AUTS2: variants seen among roughly 807,000 people sequenced by gnomAD.
The protein encoded by AUTS2 is autism susceptibility gene 2 protein.
AUTS2 carries 17 observed loss-of-function variants against 112.4 expected under a neutral mutation model. The ratio of observed to expected loss-of-function variants is 0.15; its 90% CI spans 0.10 to 0.23. AUTS2 has a LOEUF of 0.23. Among genes scored for constraint, AUTS2 ranks in the 10% least tolerant of loss-of-function variants. The pLI is 1.00. For synonymous variants in AUTS2, 751 were observed against 702.7 expected (o/e 1.07, Z -1.09); for missense variants, 1,510 against 1,701.6 (o/e 0.89, Z 1.98).
Position 70,088,183 on chromosome 7 carries a change from G to A in AUTS2, c.523-29949G>A, listed in dbSNP as rs1018544375. Reference sequence around the variant, plus strand: ...CTGTCGCCCAGGCTGGAGTGCAGTGGCGTGATCTCAGATCACTGCAAGTTC... The same window carrying A: ...CTGTCGCCCAGGCTGGAGTGCAGTGACGTGATCTCAGATCACTGCAAGTTC... On this transcript the variant is annotated intron_variant, in intron 2 of 18. Transcript: ENST00000342771. 6.6e-5 allele frequency among the ~76,000 whole-genome samples: 10 copies of A among 152,114 alleles called. 1 individual carries two copies. The South Asian group carries it at 1.9e-3, about 28-fold the overall frequency.
chr7:70,611,833 ATAAAG>A (rs1410087542), intron 5 of AUTS2, among the ~76,000 whole-genome samples: 20 of 152,226 alleles, frequency 1.3e-4, no homozygotes, highest in Admixed American at 5.2e-4. Context: ...GCATAATAAA[ATAAAG>A]TAATTACTAA....
intron 1 of AUTS2, among the ~76,000 whole-genome samples, chr7:69,884,231 A>G (rs891434745): frequency 6.6e-6 from 1 of 152,262 alleles, no homozygotes; most frequent in Admixed American, 6.5e-5. Flanking sequence ...CATTGTGGAC[A>G]GCTCTTACAG....
chr7:69,660,143 CATT>C (rs1795728036), intron 1 of AUTS2, among the ~76,000 whole-genome samples: 1 of 152,194 alleles, frequency 6.6e-6, no homozygotes, highest in Non-Finnish European at 1.5e-5. Context: ...AGAGGCTCCA[CATT>C]CTTTGGGTTT....
chr7:69,845,311 T>A (rs1272228671), intron 1 of AUTS2, among the ~76,000 whole-genome samples: 1 of 152,178 alleles, frequency 6.6e-6, no homozygotes, highest in Non-Finnish European at 1.5e-5. Flanking sequence ...TGACCAGACT[T>A]GGGTCACATT....
chr7:70,559,754 G>A (rs1395530820), intron 5 of AUTS2, among the ~76,000 whole-genome samples: 2 of 152,070 alleles, frequency 1.3e-5, no homozygotes, highest in East Asian at 3.9e-4. Flanking sequence ...TGAGCCCCAG[G>A]CCTCTGGATT....
At chr7:69,731,516 A>AG (rs1170126721) in intron 1 of AUTS2, among the ~76,000 whole-genome samples, 1 of 152,218 alleles carries the variant, frequency 6.6e-6, no homozygotes, top group African/African-American at 2.4e-5. Context: ...ATGCTAAGTA[A>AG]GTAGTAGCTG....
intron 1 of AUTS2, among the ~76,000 whole-genome samples, chr7:69,718,866 T>C (rs933815152): frequency 1.3e-4 from 20 of 152,242 alleles, no homozygotes; most frequent in African/African-American, 4.8e-4. Context: ...TACCTATGAA[T>C]GTGTCTTGTG....
At chr7:70,175,716 A>G (rs1345258788) in intron 4 of AUTS2, among the ~76,000 whole-genome samples, 2 of 152,210 alleles carry the variant, frequency 1.3e-5, no homozygotes, top group African/African-American at 4.8e-5. Flanking sequence ...TCCATCCACC[A>G]GACTCAGGTG....
At chr7:69,723,853 A>G (rs1314714513) in intron 1 of AUTS2, among the ~76,000 whole-genome samples, 1 of 152,192 alleles carries the variant, frequency 6.6e-6, no homozygotes, top group Non-Finnish European at 1.5e-5. Flanking sequence ...GTTTAGTGAA[A>G]TGGATGAGTA....
At chr7:69,928,323 T>C (rs1275068001) in intron 2 of AUTS2, among the ~76,000 whole-genome samples, 1 of 152,214 alleles carries the variant, frequency 6.6e-6, no homozygotes, top group Non-Finnish European at 1.5e-5. Flanking sequence ...CACTCAGAAC[T>C]GGCAGCCCAG....
chr7:69,807,939 G>GA (rs1790378738), intron 1 of AUTS2, among the ~76,000 whole-genome samples: 1 of 139,486 alleles, frequency 7.2e-6, no homozygotes, highest in Non-Finnish European at 1.6e-5. Flanking sequence ...TTAGGCCCAA[G>GA]CTTTTTTTTT....
intron 5 of AUTS2, among the ~76,000 whole-genome samples, chr7:70,636,348 T>C (rs562344686): frequency 6.9e-4 from 105 of 152,320 alleles, no homozygotes; most frequent in African/African-American, 2.5e-3. Flanking sequence ...GCCAGTCCTC[T>C]AGGTGATGTT....
intron 2 of AUTS2, among the ~76,000 whole-genome samples, chr7:70,105,302 C>G (rs1475039516): frequency 6.6e-6 from 1 of 152,036 alleles, no homozygotes; most frequent in Non-Finnish European, 1.5e-5. Context: ...ACTCTGTCAC[C>G]CAGGCTGGAG....
chr7:69,855,700 G>A (rs560199259), intron 1 of AUTS2, among the ~76,000 whole-genome samples: 2 of 152,302 alleles, frequency 1.3e-5, no homozygotes, highest in East Asian at 3.9e-4. Flanking sequence ...GTTGGTTGTA[G>A]TCCGTATAAC....
Position 70,774,059 on chromosome 7 carries a change from C to T in AUTS2, c.1862C>T (p.Pro621Leu). ...TSNPIDVAAR[P>L]GTVPHTLLQK... Reference sequence around the variant, plus strand: ...AACCCTATCGATGTCGCTGCTCGGCCTGGGACAGTCCCACACACTTTACTC... The same window carrying T: ...AACCCTATCGATGTCGCTGCTCGGCTTGGGACAGTCCCACACACTTTACTC... Residue 621 changes from proline (P) to leucine (L), a missense_variant, in exon 12 of 19, where the codon CCT (proline) becomes CTT (leucine). Pro to Leu is a moderately conservative substitution (Grantham distance 98). Transcript: ENST00000342771. 1 of 1,614,200 alleles carries T rather than the reference C, an allele frequency of 6.2e-7. No individual in the cohort carries two copies. Among genetic ancestry groups the T allele is most frequent in the Non-Finnish European group, 8.5e-7 (1 of 1,180,032 alleles).
At position 70,675,093 on chromosome 7, in the gene AUTS2, T is replaced by C. The variant is rs932463784; in HGVS notation, c.691-23476T>C. 8.2e-5 allele frequency among the ~76,000 whole-genome samples: 11 copies of C among 134,414 alleles called. No homozygotes were observed. The East Asian group carries it at 2.4e-3, about 29-fold the overall frequency. The allele number at this position is 134,414 out of a possible 152,430, so 88.2% of individuals were successfully genotyped here. On this transcript the variant is annotated intron_variant, in intron 5 of 18. Transcript: ENST00000342771. ...GTGCTCCAGAAGTATTTCAAATTAA[T>C]CCTCCCCCCCCTCAACTCCCTACCT...
intron 6 of AUTS2, among the ~76,000 whole-genome samples, chr7:70,704,199 T>TG (rs1289265581): frequency 1.3e-5 from 2 of 152,232 alleles, no homozygotes; most frequent in Non-Finnish European, 2.9e-5. Flanking sequence ...GCCGAACTTG[T>TG]GAATGCGTGT....
intron 4 of AUTS2, among the ~76,000 whole-genome samples, chr7:70,141,633 A>T (rs1004195685): frequency 6.6e-6 from 1 of 152,170 alleles, no homozygotes; most frequent in Non-Finnish European, 1.5e-5. Context: ...ACAAAACCAG[A>T]ATCTAAGGTG....
chr7:70,228,361 T>G (rs1811877093), intron 4 of AUTS2, among the ~76,000 whole-genome samples: 1 of 151,982 alleles, frequency 6.6e-6, no homozygotes, highest in African/African-American at 2.4e-5. Flanking sequence ...ATTGGGTCTC[T>G]TTTGAAAAAA....
Sources: gnomAD v4.1 joint callset for allele counts (sites outside exome capture counted in the v4.1 genomes callset) on GRCh38, gnomAD v4.1.1 for gene constraint, MANE v1.5 for transcripts, NCBI Gene and HGNC (gene_info 2026-07-23, HGNC 2026-07-21) for gene names.